NTM: variants seen among roughly 807,000 people sequenced by gnomAD.
The protein encoded by NTM is neurotrimin.
Under a neutral mutation model 42.1 loss-of-function variants are expected in NTM, and 13 were observed. That is an observed-to-expected ratio of 0.31 (90% CI 0.20 to 0.49). The LOEUF is 0.49. NTM is among the 20% of genes least tolerant of loss of function. The pLI, the probability that NTM is intolerant of heterozygous loss-of-function variation, is 0.99. For synonymous variants in NTM, 187 were observed against 179.2 expected (o/e 1.04, Z -0.35); for missense variants, 373 against 452.8 (o/e 0.82, Z 1.60).
chr11:132,248,223 C>A (rs552338527), intron 4 of NTM, among the ~76,000 whole-genome samples: 1 of 152,308 alleles, frequency 6.6e-6, no homozygotes, highest in African/African-American at 2.4e-5. Context: ...CTTCTCCTGG[C>A]TTGTCACTGT....
At chr11:131,451,839 A>C (rs1204927430) in intron 1 of NTM, among the ~76,000 whole-genome samples, 6 of 152,082 alleles carry the variant, frequency 3.9e-5, no homozygotes, top group Non-Finnish European at 8.8e-5. Context: ...AGGAGCACAC[A>C]CAGTGGCCTG....
At chr11:132,280,301 C>A (rs2093919194) in intron 4 of NTM, among the ~76,000 whole-genome samples, 1 of 151,980 alleles carries the variant, frequency 6.6e-6, no homozygotes, top group South Asian at 2.1e-4. Context: ...TCAGTATCCC[C>A]CACCCGAAAT....
chr11:131,550,944 C>T (rs540449448), intron 1 of NTM, among the ~76,000 whole-genome samples: 1 of 152,324 alleles, frequency 6.6e-6, no homozygotes, highest in Admixed American at 6.5e-5. Flanking sequence ...AATGCTGTTG[C>T]CCTGCTGGCT....
intron 1 of NTM, among the ~76,000 whole-genome samples, chr11:131,842,825 A>G (rs1180762947): frequency 6.6e-6 from 1 of 152,124 alleles, no homozygotes; most frequent in Non-Finnish European, 1.5e-5. Flanking sequence ...AGCCTGGCCA[A>G]CATGGTGAAA....
At chr11:131,778,640 A>G (rs2087491582) in intron 1 of NTM, among the ~76,000 whole-genome samples, 1 of 152,266 alleles carries the variant, frequency 6.6e-6, no homozygotes, top group Non-Finnish European at 1.5e-5. Context: ...TAGCTCTAGC[A>G]TATAGTGATG....
At chr11:132,311,348 T>A (rs957250652) in intron 6 of NTM, among the ~76,000 whole-genome samples, 3 of 152,142 alleles carry the variant, frequency 2.0e-5, no homozygotes, top group Non-Finnish European at 4.4e-5. Context: ...TTTTGTTTTT[T>A]TAAAAAAAAA....
At chr11:131,848,491 G>A (rs984941045) in intron 1 of NTM, among the ~76,000 whole-genome samples, 3 of 152,162 alleles carry the variant, frequency 2.0e-5, no homozygotes, top group African/African-American at 4.8e-5. Flanking sequence ...CTATGGGGAA[G>A]GTCACAATGG....
chr11:132,222,162 A>G (rs1434841605), intron 4 of NTM, among the ~76,000 whole-genome samples: 1 of 152,154 alleles, frequency 6.6e-6, no homozygotes, highest in African/African-American at 2.4e-5. Context: ...TGAGCACCTC[A>G]GTGGCAAAGG....
chr11:132,025,987 C>G (rs1451553684), intron 2 of NTM, among the ~76,000 whole-genome samples: 1 of 152,092 alleles, frequency 6.6e-6, no homozygotes, highest in Non-Finnish European at 1.5e-5. Flanking sequence ...TCACGTGGCC[C>G]TGAGTAAGCC....
intron 2 of NTM, among the ~76,000 whole-genome samples, chr11:131,935,927 A>G (rs1593002708): frequency 6.6e-6 from 1 of 152,192 alleles, no homozygotes; most frequent in East Asian, 1.9e-4. Context: ...CTTAGCTTAA[A>G]TCAGCATTAA....
intron 1 of NTM, among the ~76,000 whole-genome samples, chr11:131,402,649 A>C (rs1045982877): frequency 2.0e-5 from 3 of 152,198 alleles, no homozygotes; most frequent in South Asian, 2.1e-4. Flanking sequence ...ACTACCAAGA[A>C]CCAACATAAG....
intron 7 of NTM, among the ~76,000 whole-genome samples, chr11:132,320,082 A>T (rs1446559903): frequency 6.6e-6 from 1 of 152,200 alleles, no homozygotes; most frequent in African/African-American, 2.4e-5. Flanking sequence ...AAACTAACAA[A>T]CAGAAAGGAC....
intron 1 of NTM, among the ~76,000 whole-genome samples, chr11:131,682,151 A>C (rs754728220): frequency 7.9e-5 from 12 of 151,774 alleles, no homozygotes; most frequent in Non-Finnish European, 1.6e-4. Flanking sequence ...GGCACGAGGG[A>C]TGCCTGGCTG....
At chr11:132,111,943 C>T (rs967666713) in intron 2 of NTM, among the ~76,000 whole-genome samples, 5 of 152,234 alleles carry the variant, frequency 3.3e-5, no homozygotes, top group Non-Finnish European at 5.9e-5. Flanking sequence ...CTCGCATAGG[C>T]GTTTGGCAAA....
At chr11:131,460,833 C>T (rs548434069) in intron 1 of NTM, among the ~76,000 whole-genome samples, 7 of 152,322 alleles carry the variant, frequency 4.6e-5, no homozygotes, top group South Asian at 2.1e-4. Context: ...GAATTACAGG[C>T]GTGAACCACC....
chr11:131,453,974 A>C (rs947572854), intron 1 of NTM, among the ~76,000 whole-genome samples: 1 of 152,152 alleles, frequency 6.6e-6, no homozygotes, highest in Non-Finnish European at 1.5e-5. Context: ...CATCATTTCC[A>C]TCTGGGACCT....
intron 1 of NTM, among the ~76,000 whole-genome samples, chr11:131,462,961 AAAAG>A (rs200963848): frequency 0.073 from 11,147 of 152,136 alleles, 985 homozygotes; most frequent in East Asian, 0.21. Context: ...GAAAAAAAAA[AAAAG>A]AAGATATAGG....
intron 4 of NTM, chr11:132,306,304 T>C (rs1267874892): frequency 6.6e-6 from 1 of 152,218 alleles, no homozygotes; most frequent in Admixed American, 6.5e-5. Flanking sequence ...GCTACTGTTT[T>C]CGTGCTCTGG....
rs61627120 is a variant in NTM at position 131,972,042 on chromosome 11, C to CAAAAAAAAAAAAAAAAAAA, written c.167+60397_167+60415dup. On this transcript the variant is annotated intron_variant, in intron 2 of 8. Transcript: ENST00000683400. ...TGGGCGACAGAGTGAGACTCCGTCT[C>CAAAAAAAAAAAAAAAAAAA]AAAAAAAAAAAAAAAAAAAAATTAG... is the stretch of plus-strand genomic sequence containing the variant. Among the ~76,000 whole-genome samples, 77 of 57,802 alleles carry CAAAAAAAAAAAAAAAAAAA rather than the reference C, an allele frequency of 1.3e-3. 1 individual carries two copies. Among genetic ancestry groups the CAAAAAAAAAAAAAAAAAAA allele is most frequent in the African/African-American group, 4.1e-3 (60 of 14,788 alleles). 37.9% of individuals were successfully genotyped at this position (57,802 alleles called of 152,430 possible). A position where few individuals can be genotyped will look rare whatever the true frequency, so the allele number is the denominator to read the frequency against.
Sources: gnomAD v4.1 joint callset for allele counts (sites outside exome capture counted in the v4.1 genomes callset) on GRCh38, gnomAD v4.1.1 for gene constraint, MANE v1.5 for transcripts, NCBI Gene and HGNC (gene_info 2026-07-23, HGNC 2026-07-21) for gene names.